The following PAPPA variants were observed in gnomAD, a reference collection of about 807,000 sequenced individuals.
PAPPA encodes the protein pappalysin 1.
A neutral mutation model predicts 164.0 loss-of-function variants in PAPPA; 60 were observed. The ratio of observed to expected loss-of-function variants is 0.37; its 90% confidence interval spans 0.30 to 0.45. The LOEUF is 0.45. Ranked by LOEUF, PAPPA falls within the 20% of genes least tolerant of loss-of-function variation. PAPPA has a pLI of 1.00. For missense variants in PAPPA, 1,782 were observed against 2,087.3 expected (o/e 0.85, Z 2.85); for synonymous variants, 875 against 814.1 (o/e 1.07, Z -1.27).
chr9:116,187,768 C>A lies in PAPPA; in HGVS notation c.1030C>A (p.Leu344Ile). Residue 344 changes from leucine (L) to isoleucine (I), a missense_variant, in exon 2 of 22, where the codon CTC becomes ATC. Transcript: ENST00000328252. This position sits in a 1 kb window ranked among gnomAD's most constrained non-coding sequence, Gnocchi z 4.2. ...NTEVIASYNQ[L>I]SSFRQPKVVR... Reference sequence around the variant, plus strand: ...AGAGGTCATTGCCAGCTACAATCAGCTCTCAAGTTTCCGCCAGCCCAAGGT... The same window carrying A: ...AGAGGTCATTGCCAGCTACAATCAGATCTCAAGTTTCCGCCAGCCCAAGGT... The A allele has an allele frequency of 6.2e-7, 1 of 1,614,268 alleles. No individual in the cohort carries two copies. The highest frequency in any genetic ancestry group is 1.1e-5 in the South Asian group (1 of 91,088).
chr9:116,185,273 G>A (rs1888638), intron 1 of PAPPA, among the ~76,000 whole-genome samples: 1,579 of 152,272 alleles, frequency 0.01, 9 homozygotes, highest in Middle Eastern at 0.024. Flanking sequence ...ACTTTGTAAG[G>A]AGACTCTGGC....
Position 116,379,337 on chromosome 9 carries a change from G to A in PAPPA, c.4677+1690G>A, listed in dbSNP as rs1163278124. Among the ~76,000 whole-genome samples the A allele has an allele frequency of 3.9e-5, 6 of 152,184 alleles. No individual in the cohort carries two copies. The East Asian group carries it at 9.6e-4, about 24-fold the overall frequency. On this transcript the variant is annotated intron_variant, in intron 20 of 21. Transcript: ENST00000328252. ...AATATCCAGAGGTATCCAAGATAAAGAAAGGGTTTGGGGACCCCTGAGCCC... is the reference window on the plus strand; with the variant it reads ...AATATCCAGAGGTATCCAAGATAAAAAAAGGGTTTGGGGACCCCTGAGCCC...
chr9:116,157,016 A>C (rs1843611954), intron 1 of PAPPA, among the ~76,000 whole-genome samples: 1 of 152,120 alleles, frequency 6.6e-6, no homozygotes. Flanking sequence ...ATCCCTGGTC[A>C]CCTATCTTGA....
intron 7 of PAPPA, among the ~76,000 whole-genome samples, chr9:116,259,233 G>A (rs1233143071): frequency 6.6e-6 from 1 of 151,478 alleles, no homozygotes; most frequent in Non-Finnish European, 1.5e-5. Context: ...ATTATTGAAA[G>A]GAAATAAAAG....
chr9:116,376,715 A>G (rs1183321171), intron 19 of PAPPA, among the ~76,000 whole-genome samples: 1 of 152,246 alleles, frequency 6.6e-6, no homozygotes, highest in Non-Finnish European at 1.5e-5. Context: ...GGGCTAGGAA[A>G]AGTGCCAAAG....
chr9:116,206,625 C>G (rs1844238966), intron 2 of PAPPA, among the ~76,000 whole-genome samples: 1 of 152,172 alleles, frequency 6.6e-6, no homozygotes, highest in Admixed American at 6.5e-5. Flanking sequence ...GGCACCTCGC[C>G]TTCCCCCAGG....
intron 1 of PAPPA, among the ~76,000 whole-genome samples, chr9:116,167,378 T>C (rs1564172043): frequency 6.6e-6 from 1 of 152,224 alleles, no homozygotes; most frequent in African/African-American, 2.4e-5. Context: ...ATTATTTTTA[T>C]TAAGTATTAT....
intron 17 of PAPPA, among the ~76,000 whole-genome samples, chr9:116,358,212 G>A (rs998856761): frequency 1.3e-4 from 20 of 152,122 alleles, no homozygotes; most frequent in Non-Finnish European, 2.1e-4. Context: ...CCCAGAAAGG[G>A]AAAGAGACTT....
chr9:116,333,980 C>T (rs1017927705), intron 12 of PAPPA, among the ~76,000 whole-genome samples: 16 of 152,316 alleles, frequency 1.1e-4, no homozygotes, highest in Admixed American at 4.6e-4. Flanking sequence ...TTTCTCCTTA[C>T]ATAGCAAGCC....
chr9:116,305,686 C>T (rs569663753), intron 10 of PAPPA, among the ~76,000 whole-genome samples: 1 of 152,268 alleles, frequency 6.6e-6, no homozygotes, highest in African/African-American at 2.4e-5. Context: ...AACTGAGGAA[C>T]ACAGTGGCTT....
intron 21 of PAPPA, among the ~76,000 whole-genome samples, chr9:116,393,011 G>A (rs929238323): frequency 3.3e-5 from 5 of 152,214 alleles, no homozygotes; most frequent in African/African-American, 7.2e-5. Flanking sequence ...TGTTTATTTC[G>A]GAAGTGCTGA....
At chr9:116,258,395 G>A (rs1844957883) in intron 7 of PAPPA, among the ~76,000 whole-genome samples, 1 of 152,118 alleles carries the variant, frequency 6.6e-6, no homozygotes, top group African/African-American at 2.4e-5. Context: ...CATGGCTCAT[G>A]CCTGTAATCC....
At chr9:116,333,793 A>G (rs1452942401) in intron 12 of PAPPA, among the ~76,000 whole-genome samples, 1 of 152,066 alleles carries the variant, frequency 6.6e-6, no homozygotes, top group Admixed American at 6.6e-5. Flanking sequence ...GAGTGGGGAA[A>G]AGTCTGGTTC....
Position 116,396,921 on chromosome 9 carries a change from T to C in PAPPA, c.*305T>C, listed in dbSNP as rs887986794. On this transcript the variant is annotated 3_prime_UTR_variant, in exon 22 of 22. Transcript: ENST00000328252. Reference sequence around the variant, plus strand: ...CACACAACCACAGCAAGAAACGTGTTCTATATCTAGAGTGTGCCCATCTGT... The same window carrying C: ...CACACAACCACAGCAAGAAACGTGTCCTATATCTAGAGTGTGCCCATCTGT... The C allele has an allele frequency of 9.8e-6, 4 of 406,778 alleles. No homozygotes were observed. The highest frequency in any genetic ancestry group is 6.0e-5 in the African/African-American group (3 of 50,310). The allele number at this position is 406,778 out of a possible 1,614,324, so 25.2% of individuals were successfully genotyped here.
At chr9:116,256,941 A>G (rs961001016) in intron 7 of PAPPA, among the ~76,000 whole-genome samples, 21 of 141,140 alleles carry the variant, frequency 1.5e-4, no homozygotes, top group Non-Finnish European at 9.6e-5. Context: ...TTTTTTTTTT[A>G]CCATGTACTA....
rs1452763504 is a variant in PAPPA at position 116,198,213 on chromosome 9, G to A, written c.1479-9243G>A. On this transcript the variant is annotated intron_variant, in intron 2 of 21. Transcript: ENST00000328252. ...GTAGAGTTCAGTTGCAAGAATGATTGTCTGACATGAGATAATTGTATTACT... is the reference window on the plus strand; with the variant it reads ...GTAGAGTTCAGTTGCAAGAATGATTATCTGACATGAGATAATTGTATTACT... 3.3e-5 allele frequency among the ~76,000 whole-genome samples: 5 copies of A among 152,324 alleles called. No individual in the cohort carries two copies. The East Asian group carries it at 9.6e-4, about 29-fold the overall frequency.
rs751114829 is a variant in PAPPA, at chr9:116,302,908, A to C, written c.3105A>C (p.Gln1035His). The C allele has an allele frequency of 1.9e-6, 3 of 1,614,084 alleles. No individual in the cohort carries two copies. Among genetic ancestry groups the C allele is most frequent in the Non-Finnish European group, 2.5e-6 (3 of 1,179,986 alleles). ...SNASVSHQDQ[Q>H]CPGWVIIGQP... Reference sequence around the variant, plus strand: ...CTTCAGTATCTCATCAAGACCAGCAATGCCCAGGCTGGGTCATCATCGGAC... The same window carrying C: ...CTTCAGTATCTCATCAAGACCAGCACTGCCCAGGCTGGGTCATCATCGGAC... The change falls in exon 10 of 22, where the codon CAA becomes CAC. Residue 1035 changes from glutamine (Q) to histidine (H), a missense_variant. Physicochemically the swap from Gln to His is conservative, Grantham distance 24 (BLOSUM62 0). Around this residue, in one of 2 missense-constraint regions of PAPPA, gnomAD observed 1,324 missense variants for 1,656.9 expected, o/e 0.80. Coordinates refer to ENST00000328252, the MANE Select transcript of PAPPA (RefSeq NM_002581.5).
chr9:116,289,574 A>G (rs1457460144), intron 9 of PAPPA, among the ~76,000 whole-genome samples: 1 of 151,928 alleles, frequency 6.6e-6, no homozygotes, highest in Non-Finnish European at 1.5e-5. Context: ...GACCTCTAAC[A>G]TTTATGCAGC....
intron 1 of PAPPA, among the ~76,000 whole-genome samples, chr9:116,175,113 A>T (rs1843817573): frequency 6.6e-6 from 1 of 152,190 alleles, no homozygotes; most frequent in Non-Finnish European, 1.5e-5. Flanking sequence ...CTATTTATAC[A>T]TTCAAACCTA....
Sources: gnomAD v4.1 joint callset for allele counts (sites outside exome capture counted in the v4.1 genomes callset) on GRCh38, gnomAD v4.1.1 for gene constraint, gnomAD v4.1.1 regional missense constraint, Gnocchi (gnomAD v3.1) non-coding constraint, MANE v1.5 for transcripts, NCBI Gene and HGNC (gene_info 2026-07-23, HGNC 2026-07-21) for gene names.